CSMD1: variants seen among roughly 807,000 people sequenced by gnomAD.
CSMD1 encodes the protein CUB and sushi domain-containing protein 1.
A neutral mutation model predicts 417.5 loss-of-function variants in CSMD1; 213 were observed. The observed-to-expected ratio is 0.51, with a 90% CI of 0.46 to 0.57. The LOEUF (loss-of-function observed/expected upper bound fraction) is 0.57. Ranked by LOEUF, CSMD1 falls within the 20% of genes least tolerant of loss-of-function variation. The pLI is 0.00. For synonymous variants in CSMD1, 2,862 were observed against 1,736.8 expected (o/e 1.65, Z -16.11); for missense variants, 6,923 against 4,529.7 (o/e 1.53, Z -15.17).
chr8:3,428,336 G>A (rs995754034), intron 12 of CSMD1, among the ~76,000 whole-genome samples: 3 of 152,144 alleles, frequency 2.0e-5, no homozygotes, highest in African/African-American at 7.2e-5. Flanking sequence ...GGCCTCAAGA[G>A]AAGCATAACT....
chr8:4,256,222 T>C (rs765712035), intron 3 of CSMD1, among the ~76,000 whole-genome samples: 5 of 152,216 alleles, frequency 3.3e-5, no homozygotes, highest in African/African-American at 1.2e-4. Flanking sequence ...GTAAGTGCAT[T>C]TGTGCTCAAA....
chr8:3,982,568 C>T (rs545631477), intron 5 of CSMD1, among the ~76,000 whole-genome samples: 2 of 151,808 alleles, frequency 1.3e-5, no homozygotes, highest in African/African-American at 4.8e-5. Context: ...TAGAATTATG[C>T]GCCTAGTCAT....
chr8:3,315,462 G>GTGTTTT (rs58150104), intron 23 of CSMD1, among the ~76,000 whole-genome samples: 3 of 151,496 alleles, frequency 2.0e-5, no homozygotes, highest in Non-Finnish European at 4.4e-5. Flanking sequence ...GTGTGTGTGT[G>GTGTTTT]ATTTTTAAAC....
intron 40 of CSMD1, among the ~76,000 whole-genome samples, chr8:3,145,872 T>C (rs1202105377): frequency 6.6e-6 from 1 of 152,226 alleles, no homozygotes; most frequent in Non-Finnish European, 1.5e-5. Flanking sequence ...GGATTACATA[T>C]TGAAAATTAA....
chr8:4,163,761 A>C (rs1797297392), intron 3 of CSMD1, among the ~76,000 whole-genome samples: 1 of 152,142 alleles, frequency 6.6e-6, no homozygotes, highest in African/African-American at 2.4e-5. Context: ...CTAAGCTTAC[A>C]ATTTTGGAAA....
intron 26 of CSMD1, among the ~76,000 whole-genome samples, chr8:3,255,299 T>G (rs2117054889): frequency 6.6e-6 from 1 of 152,174 alleles, no homozygotes; most frequent in Non-Finnish European, 1.5e-5. Flanking sequence ...GCATCCCAGT[T>G]AGGCTTCTCG....
At chr8:4,820,220 C>T (rs1341398615) in intron 1 of CSMD1, among the ~76,000 whole-genome samples, 1 of 152,164 alleles carries the variant, frequency 6.6e-6, no homozygotes, top group Non-Finnish European at 1.5e-5. Context: ...GAATGATATG[C>T]ATTATTGAAT....
chr8:3,405,397 G>T (rs956285521), intron 15 of CSMD1, among the ~76,000 whole-genome samples: 1 of 152,034 alleles, frequency 6.6e-6, no homozygotes, highest in African/African-American at 2.4e-5. Context: ...TAAGTAACCA[G>T]AACAGAAATA....
chr8:3,933,323 T>C (rs142390688), intron 5 of CSMD1, among the ~76,000 whole-genome samples: 2 of 152,340 alleles, frequency 1.3e-5, no homozygotes, highest in African/African-American at 2.4e-5. Context: ...ACTGAAGCTT[T>C]CATTAAATTA....
chr8:3,234,842 G>A (rs1171594451), intron 26 of CSMD1, among the ~76,000 whole-genome samples: 1 of 152,164 alleles, frequency 6.6e-6, no homozygotes, highest in Non-Finnish European at 1.5e-5. Context: ...TCCTGAACCA[G>A]CATTTTACAC....
chr8:3,117,763 G>A (rs1049374279), intron 42 of CSMD1, among the ~76,000 whole-genome samples: 1 of 152,142 alleles, frequency 6.6e-6, no homozygotes, highest in East Asian at 1.9e-4. Flanking sequence ...ACCATCAAAC[G>A]AGAACTTGCC....
At chr8:4,278,416 T>C (rs1490083745) in intron 3 of CSMD1, among the ~76,000 whole-genome samples, 1 of 152,208 alleles carries the variant, frequency 6.6e-6, no homozygotes, top group African/African-American at 2.4e-5. Flanking sequence ...TTGAGCCACA[T>C]GATACAATTA....
intron 3 of CSMD1, among the ~76,000 whole-genome samples, chr8:4,177,450 T>C (rs151255011): frequency 3.5e-4 from 54 of 152,156 alleles, no homozygotes; most frequent in Non-Finnish European, 6.2e-4. Flanking sequence ...GGGAAACTTA[T>C]AGCACTAAAT....
At chr8:3,857,193 C>G (rs1249843513) in intron 5 of CSMD1, among the ~76,000 whole-genome samples, 2 of 152,026 alleles carry the variant, frequency 1.3e-5, no homozygotes, top group Non-Finnish European at 2.9e-5. Context: ...AAAAAAGTGC[C>G]AAAGTTGTAC....
chr8:4,249,065 C>T (rs1018816511), intron 3 of CSMD1, among the ~76,000 whole-genome samples: 2 of 152,138 alleles, frequency 1.3e-5, no homozygotes, highest in East Asian at 1.9e-4. Context: ...ATTAATCTTC[C>T]TTGCTGTTAG....
chr8:3,727,578 T>C (rs779498181), intron 6 of CSMD1, among the ~76,000 whole-genome samples: 2 of 152,160 alleles, frequency 1.3e-5, no homozygotes, highest in Non-Finnish European at 2.9e-5. Context: ...AAAATACTAA[T>C]AAAAATGAGC....
At chr8:4,704,168 CT>C (rs1807768951) in intron 1 of CSMD1, among the ~76,000 whole-genome samples, 1 of 152,216 alleles carries the variant, frequency 6.6e-6, no homozygotes, top group South Asian at 2.1e-4. Flanking sequence ...AAGCCCCAGT[CT>C]CTATTAACAC....
chr8:4,197,997 C>G (rs1490237637), intron 3 of CSMD1, among the ~76,000 whole-genome samples: 1 of 152,210 alleles, frequency 6.6e-6, no homozygotes, highest in African/African-American at 2.4e-5. Flanking sequence ...ATAAAACATG[C>G]TATCTTTCCT....
intron 2 of CSMD1, among the ~76,000 whole-genome samples, chr8:4,591,314 T>A (rs1163251742): frequency 6.6e-6 from 1 of 152,162 alleles, no homozygotes; most frequent in Non-Finnish European, 1.5e-5. Context: ...AAGAAGTGAG[T>A]AATTCTTTCT....
Sources: allele counts gnomAD v4.1 joint callset (sites outside exome capture counted in the v4.1 genomes callset), GRCh38; gene constraint gnomAD v4.1.1; transcripts MANE v1.5; gene names NCBI Gene and HGNC (gene_info 2026-07-23, HGNC 2026-07-21).